SLC35F3: variants seen among roughly 807,000 people sequenced by gnomAD.
SLC35F3 encodes solute carrier family 35 member F3.
SLC35F3 carries 25 observed loss-of-function variants against 49.9 expected under a neutral mutation model. The observed-to-expected ratio is 0.50, with a 90% confidence interval of 0.37 to 0.70. The LOEUF is 0.70. SLC35F3 is among the 30% of genes least tolerant of loss of function. The probability of loss-of-function intolerance (pLI) is 0.00; values close to 1 mark genes in which losing one functional copy is unlikely to be tolerated. For synonymous variants in SLC35F3, 275 were observed against 265.4 expected (o/e 1.04, Z -0.35); for missense variants, 525 against 639.8 (o/e 0.82, Z 1.94).
At chr1:233,919,827 G>T (rs1044334666) in intron 2 of SLC35F3, among the ~76,000 whole-genome samples, 2 of 152,202 alleles carry the variant, frequency 1.3e-5, no homozygotes, top group Non-Finnish European at 2.9e-5. Context: ...TTTGAGGGCT[G>T]CTCTGGAGGA....
At chr1:233,914,624 C>G (rs905065855) in intron 2 of SLC35F3, among the ~76,000 whole-genome samples, 3 of 152,214 alleles carry the variant, frequency 2.0e-5, no homozygotes, top group African/African-American at 7.2e-5. Context: ...TACAAAATCA[C>G]TTTCTGACTA....
chr1:233,983,387 T>C (rs554956504), intron 2 of SLC35F3, among the ~76,000 whole-genome samples: 63 of 152,338 alleles, frequency 4.1e-4, no homozygotes, highest in Admixed American at 4.1e-3. Flanking sequence ...ATTGGATTCA[T>C]AAATAATATC....
At chr1:234,149,437 G>C (rs1666040612) in intron 2 of SLC35F3, among the ~76,000 whole-genome samples, 1 of 152,186 alleles carries the variant, frequency 6.6e-6, no homozygotes. Context: ...TGATGTGCCT[G>C]CTGACTGTTT....
At chr1:234,319,564 C>A (rs1296564981) in intron 6 of SLC35F3, among the ~76,000 whole-genome samples, 2 of 150,808 alleles carry the variant, frequency 1.3e-5, no homozygotes, top group African/African-American at 2.5e-5. Flanking sequence ...TAGCCAGGTG[C>A]AGTGGTGTGC....
intron 3 of SLC35F3, among the ~76,000 whole-genome samples, chr1:234,268,327 C>T (rs578133167): frequency 9.8e-5 from 13 of 133,152 alleles, no homozygotes; most frequent in East Asian, 7.4e-4. Flanking sequence ...TGGCGGCGCG[C>T]GCCTGCAATC....
intron 3 of SLC35F3, among the ~76,000 whole-genome samples, chr1:234,257,392 T>G (rs1018311947): frequency 6.6e-5 from 10 of 152,234 alleles, no homozygotes; most frequent in Non-Finnish European, 1.3e-4. Flanking sequence ...GTGGTTTTTT[T>G]GTATGATTTG....
At chr1:233,999,472 G>A (rs1002796591) in intron 2 of SLC35F3, among the ~76,000 whole-genome samples, 5 of 152,128 alleles carry the variant, frequency 3.3e-5, no homozygotes, top group Non-Finnish European at 7.4e-5. Context: ...GCCTAGGTTC[G>A]ATGCCATCCA....
intron 2 of SLC35F3, among the ~76,000 whole-genome samples, chr1:233,986,167 A>G (rs1016266455): frequency 2.6e-5 from 4 of 152,160 alleles, no homozygotes; most frequent in African/African-American, 7.2e-5. Context: ...AATGTTAGCT[A>G]TTACTCTTAC....
At chr1:234,106,807 A>T (rs911997228) in intron 2 of SLC35F3, among the ~76,000 whole-genome samples, 3 of 152,170 alleles carry the variant, frequency 2.0e-5, no homozygotes, top group Admixed American at 2.0e-4. Context: ...ATTGCAACCA[A>T]CAGGGTTCCA....
Position 234,320,551 on chromosome 1 carries a change from G to A in SLC35F3, c.1237+364G>A, listed in dbSNP as rs1391078166. Among the ~76,000 whole-genome samples the A allele has an allele frequency of 6.6e-6, 1 of 152,106 alleles. No homozygotes were observed. The highest frequency in any genetic ancestry group is 1.5e-5 in the Non-Finnish European group (1 of 68,030). On this transcript the variant is annotated intron_variant, in intron 7 of 7. Transcript: ENST00000366618. The surrounding 1 kb of genome is among the most constrained non-coding windows in gnomAD (Gnocchi z 4.8). ...ATGGGGAGCAGAATGAATCTCATCA[G>A]CATTATTAACAAATGTAGGAAATGA...
intron 2 of SLC35F3, among the ~76,000 whole-genome samples, chr1:233,961,731 T>C (rs1278922422): frequency 6.6e-6 from 1 of 152,200 alleles, no homozygotes; most frequent in Non-Finnish European, 1.5e-5. Context: ...GCTAGGATTA[T>C]AGGCGTGAGC....
At chr1:234,099,282 G>T (rs1665178591) in intron 2 of SLC35F3, among the ~76,000 whole-genome samples, 1 of 152,006 alleles carries the variant, frequency 6.6e-6, no homozygotes, top group Admixed American at 6.6e-5. Context: ...GATAATGTTT[G>T]GTTCTTCTTG....
At chr1:234,267,539 G>T (rs1256314420) in intron 3 of SLC35F3, among the ~76,000 whole-genome samples, 13 of 149,878 alleles carry the variant, frequency 8.7e-5, no homozygotes, top group African/African-American at 3.0e-4. Flanking sequence ...CGGACGGGGC[G>T]GCTGGCCGGG....
At chr1:234,148,136 A>G (rs1666024816) in intron 2 of SLC35F3, among the ~76,000 whole-genome samples, 1 of 152,196 alleles carries the variant, frequency 6.6e-6, no homozygotes, top group Admixed American at 6.5e-5. Context: ...CCCTTCCTGT[A>G]CACACCTGGG....
intron 2 of SLC35F3, among the ~76,000 whole-genome samples, chr1:233,998,307 G>A (rs1003131277): frequency 6.6e-6 from 1 of 151,948 alleles, no homozygotes; most frequent in Non-Finnish European, 1.5e-5. Context: ...TTTGTCATAT[G>A]TGTTGCAAAT....
intron 2 of SLC35F3, among the ~76,000 whole-genome samples, chr1:234,197,313 AG>A (rs1254551618): frequency 1.3e-5 from 2 of 152,266 alleles, no homozygotes; most frequent in Non-Finnish European, 2.9e-5. Context: ...AGGCACTTCA[AG>A]GGGGAGGGGA....
At chr1:234,257,546 G>A (rs1380662125) in intron 3 of SLC35F3, among the ~76,000 whole-genome samples, 4 of 152,232 alleles carry the variant, frequency 2.6e-5, no homozygotes, top group Non-Finnish European at 4.4e-5. Flanking sequence ...GATGGACATA[G>A]ATGCCAGTGT....
chr1:234,015,987 A>T (rs2102840161), intron 2 of SLC35F3, among the ~76,000 whole-genome samples: 1 of 152,340 alleles, frequency 6.6e-6, no homozygotes, highest in Non-Finnish European at 1.5e-5. Context: ...ATGGACAAAG[A>T]ACTTGAATAG....
chr1:234,268,155 C>G (rs1333934727), intron 3 of SLC35F3, among the ~76,000 whole-genome samples: 1 of 152,134 alleles, frequency 6.6e-6, no homozygotes, highest in Non-Finnish European at 1.5e-5. Context: ...TGCACTCCAG[C>G]CTGGGCAACA....
Sources: gnomAD v4.1 joint callset for allele counts (sites outside exome capture counted in the v4.1 genomes callset) on GRCh38, gnomAD v4.1.1 for gene constraint, Gnocchi (gnomAD v3.1) non-coding constraint, MANE v1.5 for transcripts, NCBI Gene and HGNC (gene_info 2026-07-23, HGNC 2026-07-21) for gene names.